RGS6: variants seen among roughly 807,000 people sequenced by gnomAD.
RGS6 encodes regulator of G-protein signaling 6.
RGS6 carries 30 observed loss-of-function variants against 78.5 expected under a neutral mutation model. The observed-to-expected ratio is 0.38, with a 90% CI of 0.29 to 0.52. The LOEUF is 0.52. Ranked by LOEUF, RGS6 falls within the 20% of genes least tolerant of loss-of-function variation. The pLI is 0.85. For synonymous variants in RGS6, 206 were observed against 206.0 expected (o/e 1.00, Z 0.00); for missense variants, 495 against 609.7 (o/e 0.81, Z 1.98).
chr14:72,062,910 T>A (rs995021226), intron 2 of RGS6, among the ~76,000 whole-genome samples: 4 of 152,166 alleles, frequency 2.6e-5, no homozygotes, highest in African/African-American at 9.7e-5. Flanking sequence ...CACTGCACCC[T>A]CTGCCACCCA....
chr14:72,484,461 C>T (rs2096449562), intron 12 of RGS6, among the ~76,000 whole-genome samples: 1 of 152,156 alleles, frequency 6.6e-6, no homozygotes, highest in Non-Finnish European at 1.5e-5. Context: ...AGGGATTCCT[C>T]CTAGGCATTG....
chr14:72,482,663 T>C (rs2096404962), intron 12 of RGS6, among the ~76,000 whole-genome samples: 1 of 152,122 alleles, frequency 6.6e-6, no homozygotes, highest in African/African-American at 2.4e-5. Flanking sequence ...TAATATGGTC[T>C]CTCACCCTCC....
chr14:72,345,203 G>A (rs368513388), intron 2 of RGS6, among the ~76,000 whole-genome samples: 28 of 152,258 alleles, frequency 1.8e-4, no homozygotes, highest in African/African-American at 6.5e-4. Flanking sequence ...CTAGAGCTGG[G>A]CAGCCATCAG....
the RGS6 span, among the ~76,000 whole-genome samples, chr14:71,883,019 G>A: frequency 6.6e-6 from 1 of 152,126 alleles, no homozygotes; most frequent in Non-Finnish European, 1.5e-5. Context: ...TTCCTAGAGA[G>A]GCTGATTTCG....
At chr14:72,151,894 C>T (rs886395612) in intron 2 of RGS6, among the ~76,000 whole-genome samples, 3 of 152,070 alleles carry the variant, frequency 2.0e-5, no homozygotes, top group African/African-American at 7.2e-5. Flanking sequence ...TAAAAATAAA[C>T]CTGTCCTACT....
At chr14:72,621,634 A>G in the RGS6 span, among the ~76,000 whole-genome samples, 1 of 152,212 alleles carries the variant, frequency 6.6e-6, no homozygotes. Context: ...CTGCTATGTA[A>G]GAGTAGATAC....
intron 2 of RGS6, among the ~76,000 whole-genome samples, chr14:72,067,545 AC>A (rs1342278733): frequency 1.4e-5 from 2 of 144,644 alleles, no homozygotes; most frequent in Non-Finnish European, 1.5e-5. Flanking sequence ...TTAGTGCGGC[AC>A]TTTTTAATCA....
chr14:72,339,704 AC>A (rs2076643316), intron 2 of RGS6, among the ~76,000 whole-genome samples: 1 of 152,108 alleles, frequency 6.6e-6, no homozygotes, highest in African/African-American at 2.4e-5. Context: ...CAGGAACAGC[AC>A]TCTGATGTCA....
At chr14:71,988,870 T>C (rs1257823086) in intron 2 of RGS6, among the ~76,000 whole-genome samples, 2 of 152,182 alleles carry the variant, frequency 1.3e-5, no homozygotes, top group African/African-American at 4.8e-5. Flanking sequence ...ACAAAAAATA[T>C]ACAAGACCTG....
chr14:72,423,760 A>G (rs1341695522), intron 3 of RGS6, among the ~76,000 whole-genome samples: 1 of 152,186 alleles, frequency 6.6e-6, no homozygotes, highest in Non-Finnish European at 1.5e-5. Flanking sequence ...TTGTCTATCA[A>G]ACCTCAGCGA....
intron 2 of RGS6, among the ~76,000 whole-genome samples, chr14:72,132,229 T>C (rs1277087556): frequency 6.6e-6 from 1 of 152,084 alleles, no homozygotes; most frequent in Admixed American, 6.6e-5. Flanking sequence ...GGTTCTAGTG[T>C]TCCAAAGGAA....
intron 2 of RGS6, among the ~76,000 whole-genome samples, chr14:72,008,001 C>A (rs1164628172): frequency 6.6e-6 from 1 of 152,176 alleles, no homozygotes; most frequent in African/African-American, 2.4e-5. Flanking sequence ...TGTTACCTTT[C>A]ATGAAAATGA....
chr14:72,021,476 T>G (rs1010877051), intron 2 of RGS6, among the ~76,000 whole-genome samples: 3 of 148,660 alleles, frequency 2.0e-5, no homozygotes, highest in African/African-American at 7.5e-5. Flanking sequence ...TTTTTTTTTT[T>G]TTTTTTTTTG....
intron 2 of RGS6, among the ~76,000 whole-genome samples, chr14:72,234,579 A>C (rs995326179): frequency 6.6e-6 from 1 of 152,156 alleles, no homozygotes; most frequent in African/African-American, 2.4e-5. Context: ...TGACAGGGTT[A>C]CAGAGCTGTG....
intron 2 of RGS6, among the ~76,000 whole-genome samples, chr14:72,307,329 G>T (rs1169236915): frequency 6.6e-6 from 1 of 151,892 alleles, no homozygotes; most frequent in Non-Finnish European, 1.5e-5. Flanking sequence ...TTATTGTGGT[G>T]GTCTGAAACT....
chr14:72,263,679 T>C (rs2058565616), intron 2 of RGS6, among the ~76,000 whole-genome samples: 2 of 152,138 alleles, frequency 1.3e-5, no homozygotes, highest in African/African-American at 4.8e-5. Flanking sequence ...CCTTTCACCA[T>C]GTGAGGACAC....
chr14:71,914,412 T>C, the RGS6 span, among the ~76,000 whole-genome samples: 6 of 152,326 alleles, frequency 3.9e-5, no homozygotes, highest in African/African-American at 1.4e-4. Flanking sequence ...ACTCCAAGTT[T>C]CACTTTTCTT....
intron 2 of RGS6, chr14:71,990,987 TATGAAA>T: frequency 2.7e-6 from 1 of 371,886 alleles, no homozygotes; most frequent in South Asian, 2.0e-5. Context: ...CTCTACGCAA[TATGAAA>T]ATGACATGCC....
chr14:72,404,301 G>C (rs1303388839), intron 3 of RGS6, among the ~76,000 whole-genome samples: 2 of 152,188 alleles, frequency 1.3e-5, no homozygotes, highest in Non-Finnish European at 2.9e-5. Flanking sequence ...AGCTGTGGGA[G>C]AGCTGGAAAT....
Sources: gnomAD v4.1 joint callset for allele counts (sites outside exome capture counted in the v4.1 genomes callset) on GRCh38, gnomAD v4.1.1 for gene constraint, MANE v1.5 for transcripts, NCBI Gene and HGNC (gene_info 2026-07-23, HGNC 2026-07-21) for gene names.